The following SCD5 variants were observed in gnomAD, a reference collection of about 807,000 sequenced individuals.
SCD5 encodes the protein acyl-CoA-desaturase 4.
SCD5 carries 20 observed loss-of-function variants against 30.4 expected under a neutral mutation model. The ratio of observed to expected loss-of-function variants is 0.66; its 90% confidence interval spans 0.46 to 0.96. SCD5 has a LOEUF of 0.96. SCD5 is among the 40% of genes least tolerant of loss of function. The probability of loss-of-function intolerance (pLI) is 0.00; values close to 1 mark genes in which losing one functional copy is unlikely to be tolerated. For synonymous variants in SCD5, 173 were observed against 176.4 expected (o/e 0.98, Z 0.16); for missense variants, 381 against 443.3 (o/e 0.86, Z 1.26).
chr4:82,693,870 T>A (rs984104193), intron 2 of SCD5, among the ~76,000 whole-genome samples: 1 of 151,922 alleles, frequency 6.6e-6, no homozygotes, highest in Non-Finnish European at 1.5e-5. Flanking sequence ...TTGGGAAGAG[T>A]CCTTTTACTC....
rs965067942 is a variant in SCD5, at chr4:82,741,824, T to C, written c.233-36411A>G. Among the ~76,000 whole-genome samples the C allele has an allele frequency of 2.5e-5, 3 of 118,288 alleles. No individual in the cohort carries two copies. In the Admixed American group the frequency reaches 3.9e-4, roughly 15 times the overall value. 77.6% of individuals were successfully genotyped at this position (118,288 alleles called of 152,430 possible). A position where few individuals can be genotyped will look rare whatever the true frequency, so the allele number is the denominator to read the frequency against. On this transcript the variant is annotated intron_variant, in intron 1 of 4. Transcript: ENST00000319540. ...GTCACTCTTGGATGCCTCCTCCAGA[T>C]CAAGGATATGAAAAGGGGTCAGAGT...
chr4:82,669,271 C>G lies in SCD5; in HGVS notation c.569+11436G>C, dbSNP rs187481301. On this transcript the variant is annotated intron_variant, in intron 3 of 4. Transcript: ENST00000319540. Reference sequence around the variant, plus strand: ...ATGTGATGCTCAAAATGGAGAAATACACTTAGGGTTTAGACAGGCATGGCT... The same window carrying G: ...ATGTGATGCTCAAAATGGAGAAATAGACTTAGGGTTTAGACAGGCATGGCT... Among the ~76,000 whole-genome samples, 26 of 149,474 alleles carry G rather than the reference C, an allele frequency of 1.7e-4. No homozygotes were observed. In the East Asian group the frequency reaches 4.5e-3, roughly 26 times the overall value.
At chr4:82,703,308 T>C (rs1719896878) in intron 2 of SCD5, among the ~76,000 whole-genome samples, 1 of 152,234 alleles carries the variant, frequency 6.6e-6, no homozygotes, top group South Asian at 2.1e-4. Flanking sequence ...CATTAATTGT[T>C]TTCTATATGA....
At chr4:82,782,735 C>T (rs1383961396) in intron 1 of SCD5, among the ~76,000 whole-genome samples, 2 of 152,180 alleles carry the variant, frequency 1.3e-5, no homozygotes, top group Non-Finnish European at 2.9e-5. Context: ...ACTCCCATTC[C>T]CTCAAGGTGT....
intron 1 of SCD5, among the ~76,000 whole-genome samples, chr4:82,781,719 ACCCT>A (rs1357427553): frequency 3.3e-5 from 5 of 152,074 alleles, no homozygotes; most frequent in African/African-American, 1.2e-4. Flanking sequence ...GCTCTCTCTC[ACCCT>A]CTCATTGCCC....
chr4:82,732,201 A>G (rs1720659001), intron 1 of SCD5, among the ~76,000 whole-genome samples: 1 of 151,912 alleles, frequency 6.6e-6, no homozygotes, highest in Admixed American at 6.6e-5. Flanking sequence ...CCCGAGTTCA[A>G]GCGATTCTCC....
chr4:82,788,502 T>G (rs1435641348), intron 1 of SCD5, among the ~76,000 whole-genome samples: 1 of 152,226 alleles, frequency 6.6e-6, no homozygotes, highest in Admixed American at 6.5e-5. Flanking sequence ...GCAATTCTCG[T>G]GCTTTAGCCT....
intron 1 of SCD5, among the ~76,000 whole-genome samples, chr4:82,754,280 C>G (rs565366912): frequency 7.7e-4 from 118 of 152,274 alleles, no homozygotes; most frequent in African/African-American, 2.5e-3. Context: ...TGTGCAGATA[C>G]TAAAAATAAA....
intron 1 of SCD5, among the ~76,000 whole-genome samples, chr4:82,747,328 A>G (rs1006594953): frequency 2.6e-5 from 4 of 152,234 alleles, no homozygotes; most frequent in Non-Finnish European, 4.4e-5. Flanking sequence ...GCACTTGGGA[A>G]GGTTAAAGCC....
intron 2 of SCD5, among the ~76,000 whole-genome samples, chr4:82,684,523 G>C (rs992559884): frequency 9.2e-5 from 14 of 152,168 alleles, no homozygotes; most frequent in Admixed American, 1.3e-4. Context: ...GATTGGGAGT[G>C]GGTGGGTAGG....
Position 82,736,107 on chromosome 4 carries a change from G to A in SCD5, c.233-30694C>T, listed in dbSNP as rs543387794. Among the ~76,000 whole-genome samples the A allele has an allele frequency of 5.6e-3, 847 of 152,086 alleles. 7 individuals are homozygous for A. The highest frequency in any genetic ancestry group is 0.014 in the Middle Eastern group (4 of 292). On this transcript the variant is annotated intron_variant, in intron 1 of 4. Transcript: ENST00000319540. ...TCGAGACCAGCCTGGGCAACATAGC[G>A]AAACACCATCTCTACAAAAAGTATT...
chr4:82,746,677 A>C (rs1434785395), intron 1 of SCD5, among the ~76,000 whole-genome samples: 1 of 152,118 alleles, frequency 6.6e-6, no homozygotes, highest in Non-Finnish European at 1.5e-5. Flanking sequence ...AAAGTTTTGA[A>C]GACATTTGAA....
chr4:82,693,354 A>G (rs1042481974), intron 2 of SCD5, among the ~76,000 whole-genome samples: 1 of 152,028 alleles, frequency 6.6e-6, no homozygotes, highest in African/African-American at 2.4e-5. Context: ...TCCCTCACCA[A>G]TGTTTAAGCC....
intron 3 of SCD5, among the ~76,000 whole-genome samples, chr4:82,674,811 A>C (rs1487883875): frequency 6.6e-6 from 1 of 152,222 alleles, no homozygotes; most frequent in Non-Finnish European, 1.5e-5. Flanking sequence ...ATGAGCTATG[A>C]AGTCATGAAA....
intron 1 of SCD5, among the ~76,000 whole-genome samples, chr4:82,742,031 G>C (rs1560550075): frequency 6.7e-6 from 1 of 148,468 alleles, no homozygotes; most frequent in East Asian, 2.0e-4. Flanking sequence ...AGTGAGCCGA[G>C]ATCGCACCAC....
In SCD5 at chr4:82,711,898, T is replaced by C. The variant is rs539461927; in HGVS notation, c.233-6485A>G. Among the ~76,000 whole-genome samples the C allele has an allele frequency of 9.1e-4, 139 of 152,150 alleles. 1 individual carries two copies. Among genetic ancestry groups the C allele is most frequent in the African/African-American group, 3.3e-3 (137 of 41,508 alleles). On this transcript the variant is annotated intron_variant, in intron 1 of 4. Transcript: ENST00000319540. ...TCTAGGAGCAGGAGTAATTTATTTCTGATATTATTTCATAAATAAGCTGGA... is the reference window on the plus strand; with the variant it reads ...TCTAGGAGCAGGAGTAATTTATTTCCGATATTATTTCATAAATAAGCTGGA...
At chr4:82,723,130 G>A (rs2148832941) in intron 1 of SCD5, among the ~76,000 whole-genome samples, 1 of 148,322 alleles carries the variant, frequency 6.7e-6, no homozygotes, top group Admixed American at 6.7e-5. Context: ...CTTCACCTCA[G>A]AACTACAGGA....
chr4:82,659,403 G>A (rs1256950169), intron 3 of SCD5, among the ~76,000 whole-genome samples: 1 of 152,060 alleles, frequency 6.6e-6, no homozygotes, highest in Non-Finnish European at 1.5e-5. Context: ...TGCTTCTCTA[G>A]TTCTTTTAAT....
intron 3 of SCD5, among the ~76,000 whole-genome samples, chr4:82,643,572 GAAA>G (rs1727585298): frequency 2.0e-5 from 3 of 152,328 alleles, no homozygotes; most frequent in African/African-American, 7.2e-5. Flanking sequence ...GGGGTGAAGA[GAAA>G]GTTATTATTT....
Sources: gnomAD v4.1 joint callset for allele counts (sites outside exome capture counted in the v4.1 genomes callset) on GRCh38, gnomAD v4.1.1 for gene constraint, MANE v1.5 for transcripts, NCBI Gene and HGNC (gene_info 2026-07-23, HGNC 2026-07-21) for gene names.